Variants in NAA50 observed in about 807,000 individuals in gnomAD.
The protein encoded by NAA50 is N-alpha-acetyltransferase 50.
Under a neutral mutation model 20.7 loss-of-function variants are expected in NAA50, and 7 were observed. The ratio of observed to expected loss-of-function variants is 0.34; its 90% CI spans 0.19 to 0.63. The LOEUF (loss-of-function observed/expected upper bound fraction) is 0.63, where lower values mean the gene tolerates loss of function less well. Ranked by LOEUF, NAA50 falls within the 30% of genes least tolerant of loss-of-function variation. The pLI is 0.75. For synonymous variants in NAA50, 54 were observed against 70.6 expected, an observed-to-expected ratio of 0.77 and a Z score of 1.18; for missense variants, 111 against 199.1, an observed-to-expected ratio of 0.56 and a Z score of 2.66.
intron 1 of NAA50, among the ~76,000 whole-genome samples, chr3:113,736,407 A>T (rs1265953057): frequency 6.6e-6 from 1 of 152,076 alleles, no homozygotes; most frequent in Non-Finnish European, 1.5e-5. Context: ...CTCTTTATAG[A>T]CTCCCATCGG....
At chr3:113,745,185 CG>C (rs1708473903) in intron 1 of NAA50, among the ~76,000 whole-genome samples, 1 of 152,162 alleles carries the variant, frequency 6.6e-6, no homozygotes, top group Non-Finnish European at 1.5e-5. Context: ...CCTAATTTTA[CG>C]TAAGAGGCAA....
intron 1 of NAA50, among the ~76,000 whole-genome samples, chr3:113,730,456 GA>G (rs533152807): frequency 0.012 from 1,726 of 140,232 alleles, 32 homozygotes; most frequent in Admixed American, 0.039. Flanking sequence ...AAAAAAAAAA[GA>G]AAAAAAAAAA....
intron 1 of NAA50, among the ~76,000 whole-genome samples, chr3:113,739,837 T>A (rs1293225887): frequency 4.6e-5 from 7 of 152,196 alleles, no homozygotes; most frequent in Admixed American, 1.3e-4. Flanking sequence ...ACTTTGGCTT[T>A]TTTATGGGTT....
intron 1 of NAA50, among the ~76,000 whole-genome samples, chr3:113,728,956 A>C (rs1334451177): frequency 6.6e-6 from 1 of 151,966 alleles, no homozygotes; most frequent in African/African-American, 2.4e-5. Context: ...GTATCTCAAA[A>C]AGGCTTACTC....
chr3:113,739,922 C>T (rs1708390855), intron 1 of NAA50, among the ~76,000 whole-genome samples: 1 of 152,028 alleles, frequency 6.6e-6, no homozygotes, highest in African/African-American at 2.4e-5. Flanking sequence ...GGAAGACTTC[C>T]TTGATATAAC....
At chr3:113,725,360 T>A (rs1392507384) in intron 1 of NAA50, among the ~76,000 whole-genome samples, 7 of 152,198 alleles carry the variant, frequency 4.6e-5, no homozygotes, top group Admixed American at 2.0e-4. Context: ...CGGACTTTTG[T>A]TAACATATAC....
chr3:113,731,011 G>T (rs10470304), intron 1 of NAA50, among the ~76,000 whole-genome samples: 6,851 of 152,194 alleles, frequency 0.045, 340 homozygotes, highest in African/African-American at 0.12. Context: ...ATTTGGCATT[G>T]TTAACTTTTA....
At chr3:113,745,359 G>A (rs1031144758) in intron 1 of NAA50, among the ~76,000 whole-genome samples, 2 of 152,130 alleles carry the variant, frequency 1.3e-5, no homozygotes, top group African/African-American at 4.8e-5. Context: ...GGCACCCCAA[G>A]TCTACAGTGA....
At chr3:113,726,792 T>C (rs990484538) in intron 1 of NAA50, among the ~76,000 whole-genome samples, 5 of 152,076 alleles carry the variant, frequency 3.3e-5, no homozygotes, top group South Asian at 2.1e-4. Context: ...GATACTGTTA[T>C]CCTGTAAACT....
At chr3:113,724,173 G>C in intron 1 of NAA50, 78 bp from the exon 2 acceptor site, 1 of 1,322,514 alleles carries the variant, frequency 7.6e-7, no homozygotes, top group Non-Finnish European at 9.8e-7. Context: ...GGGGTACCAA[G>C]TCTTTTTTAC....
At chr3:113,728,554 C>T (rs182413343) in intron 1 of NAA50, among the ~76,000 whole-genome samples, 1 of 152,170 alleles carries the variant, frequency 6.6e-6, no homozygotes, top group African/African-American at 2.4e-5. Context: ...TGATGTAGTC[C>T]GAAAATCAGT....
intron 4 of NAA50, 71 bp downstream of exon 4, chr3:113,722,835 A>C: frequency 2.1e-6 from 3 of 1,443,102 alleles, no homozygotes; most frequent in Non-Finnish European, 2.8e-6. Flanking sequence ...CCAGATTTTA[A>C]AGTTTCTAGT....
At chr3:113,728,340 A>G (rs1032457950) in intron 1 of NAA50, among the ~76,000 whole-genome samples, 3 of 152,344 alleles carry the variant, frequency 2.0e-5, no homozygotes, top group Admixed American at 6.5e-5. Context: ...TTGAGTATCT[A>G]TGTGTTATGC....
chr3:113,746,109 G>A lies in NAA50; in HGVS notation c.-160C>T, dbSNP rs1228127611. 1.1e-6 allele frequency: 1 copy of A among 903,382 alleles called. No individual in the cohort carries two copies. Among genetic ancestry groups the A allele is most frequent in the African/African-American group, 1.7e-5 (1 of 58,828 alleles). 56.0% of individuals were successfully genotyped at this position (903,382 alleles called of 1,614,324 possible). On this transcript the variant is annotated 5_prime_UTR_variant, in exon 1 of 5. Coordinates refer to ENST00000240922, the MANE Select transcript of NAA50 (RefSeq NM_025146.4). ...GAGCAACGAAGGCCGCGAGAGTCGAGTGAGGGCTTGAGTCTGGTGGGGGCG... is the reference window on the plus strand; with the variant it reads ...GAGCAACGAAGGCCGCGAGAGTCGAATGAGGGCTTGAGTCTGGTGGGGGCG...
At chr3:113,731,629 C>G (rs958071587) in intron 1 of NAA50, among the ~76,000 whole-genome samples, 1 of 152,166 alleles carries the variant, frequency 6.6e-6, no homozygotes, top group African/African-American at 2.4e-5. Context: ...AATCAATCCC[C>G]TTTCCTACCC....
chr3:113,722,698 A>G (rs1428325998), intron 4 of NAA50, among the ~76,000 whole-genome samples: 1 of 152,142 alleles, frequency 6.6e-6, no homozygotes, highest in Non-Finnish European at 1.5e-5. Context: ...AATATAATAA[A>G]GCAATGTGTT....
chr3:113,746,033 G>A lies in NAA50; in HGVS notation c.-84C>T, dbSNP rs1247115030. The A allele has an allele frequency of 1.3e-6, 2 of 1,563,172 alleles. No individual in the cohort carries two copies. Among genetic ancestry groups the A allele is most frequent in the Non-Finnish European group, 8.6e-7 (1 of 1,156,282 alleles). On this transcript the variant is annotated 5_prime_UTR_variant, in exon 1 of 5. Transcript: ENST00000240922. Reference sequence around the variant, plus strand: ...CCTTAGGTCTCCGCACCCTTAGCTCGGGCCACTCAACCCCGCAAGCCGGCC... The same window carrying A: ...CCTTAGGTCTCCGCACCCTTAGCTCAGGCCACTCAACCCCGCAAGCCGGCC...
chr3:113,732,803 T>A (rs896206211), intron 1 of NAA50, among the ~76,000 whole-genome samples: 52 of 152,204 alleles, frequency 3.4e-4, no homozygotes, highest in Admixed American at 3.0e-3. Flanking sequence ...AACACCTTGA[T>A]TTTAGCCCAG....
chr3:113,730,763 T>C (rs1420721034), intron 1 of NAA50, among the ~76,000 whole-genome samples: 2 of 152,238 alleles, frequency 1.3e-5, no homozygotes, highest in African/African-American at 4.8e-5. Flanking sequence ...TGCATATCAA[T>C]AGCTCATTCC....
Sources: gnomAD v4.1 joint callset for allele counts (sites outside exome capture counted in the v4.1 genomes callset) on GRCh38, gnomAD v4.1.1 for gene constraint, MANE v1.5 for transcripts, NCBI Gene and HGNC (gene_info 2026-07-23, HGNC 2026-07-21) for gene names.